GAS7: variants seen among roughly 807,000 people sequenced by gnomAD.
GAS7 encodes the protein growth arrest-specific protein 7.
Under a neutral mutation model 71.1 loss-of-function variants are expected in GAS7, and 28 were observed. The ratio of observed to expected loss-of-function variants is 0.39; its 90% CI spans 0.29 to 0.54. The LOEUF (loss-of-function observed/expected upper bound fraction) is 0.54. Among genes scored for constraint, GAS7 ranks in the 20% least tolerant of loss-of-function variants. GAS7 has a pLI of 0.62. For missense variants in GAS7, 436 were observed against 627.8 expected, an observed-to-expected ratio of 0.69 and a Z score of 3.27; for synonymous variants, 258 against 245.8, an observed-to-expected ratio of 1.05 and a Z score of -0.46.
intron 1 of GAS7, among the ~76,000 whole-genome samples, chr17:10,151,947 A>G (rs1424121417): frequency 2.0e-5 from 3 of 152,206 alleles, no homozygotes; most frequent in African/African-American, 7.2e-5. Flanking sequence ...TCCAAAATGG[A>G]AGGAAAAGAG....
At chr17:10,177,791 T>A (rs2142138608) in intron 1 of GAS7, among the ~76,000 whole-genome samples, 2 of 152,282 alleles carry the variant, frequency 1.3e-5, no homozygotes, top group Admixed American at 1.3e-4. Context: ...TATATAGTCT[T>A]GATGATTTGC....
intron 3 of GAS7, among the ~76,000 whole-genome samples, chr17:9,980,750 G>C (rs1247830514): frequency 6.6e-6 from 1 of 152,218 alleles, no homozygotes; most frequent in Non-Finnish European, 1.5e-5. Context: ...GCATGGGAGA[G>C]TGAAGGTCAA....
At chr17:10,082,255 C>T (rs2073465220) in intron 1 of GAS7, among the ~76,000 whole-genome samples, 1 of 152,164 alleles carries the variant, frequency 6.6e-6, no homozygotes, top group Non-Finnish European at 1.5e-5. Context: ...AACCCCAGAA[C>T]AGTGGTTGCC....
intron 2 of GAS7, among the ~76,000 whole-genome samples, chr17:9,985,810 C>T (rs2070624668): frequency 6.6e-6 from 1 of 152,222 alleles, no homozygotes; most frequent in Admixed American, 6.5e-5. Flanking sequence ...AAGGCCCCTC[C>T]CAGCTCAGAG....
chr17:10,069,551 A>G (rs142022953), intron 1 of GAS7, among the ~76,000 whole-genome samples: 1 of 152,340 alleles, frequency 6.6e-6, no homozygotes, highest in East Asian at 1.9e-4. Flanking sequence ...TTAATGTTTT[A>G]TGATGGAGTC....
intron 9 of GAS7, among the ~76,000 whole-genome samples, chr17:9,927,336 A>ACACAC (rs1380243228): frequency 2.6e-5 from 2 of 75,618 alleles, no homozygotes; most frequent in African/African-American, 9.1e-5. Context: ...CACACACACA[A>ACACAC]ATTAGCTGGG....
At chr17:9,935,549 C>G (rs990714344) in intron 8 of GAS7, among the ~76,000 whole-genome samples, 11 of 152,192 alleles carry the variant, frequency 7.2e-5, no homozygotes, top group Admixed American at 2.0e-4. Flanking sequence ...GTGGCAAAAG[C>G]TGAATAAAAG....
intron 3 of GAS7, among the ~76,000 whole-genome samples, chr17:9,979,607 C>T (rs1253039405): frequency 6.6e-6 from 1 of 152,138 alleles, no homozygotes; most frequent in Admixed American, 6.5e-5. Flanking sequence ...CCCAGGAGAG[C>T]AGGCTTTGGA....
At chr17:10,073,625 G>C (rs1405310124) in intron 1 of GAS7, among the ~76,000 whole-genome samples, 1 of 152,190 alleles carries the variant, frequency 6.6e-6, no homozygotes, top group African/African-American at 2.4e-5. Flanking sequence ...TGCTTCAGGT[G>C]AATCGTGCGC....
chr17:10,156,183 C>T (rs1597824711), intron 1 of GAS7, among the ~76,000 whole-genome samples: 1 of 152,346 alleles, frequency 6.6e-6, no homozygotes, highest in East Asian at 1.9e-4. Flanking sequence ...ATATTTCCTT[C>T]GTAAGCAGAT....
chr17:9,978,927 T>C (rs2152126357), intron 3 of GAS7, among the ~76,000 whole-genome samples: 1 of 152,228 alleles, frequency 6.6e-6, no homozygotes, highest in South Asian at 2.1e-4. Context: ...CAGGTGATTC[T>C]TTGTTGTGAA....
At chr17:9,934,473 C>G (rs564934333) in intron 8 of GAS7, among the ~76,000 whole-genome samples, 4 of 152,056 alleles carry the variant, frequency 2.6e-5, no homozygotes, top group Admixed American at 1.3e-4. Context: ...GCTAAGGAAA[C>G]AGACTGTGGC....
chr17:10,155,178 C>A (rs56357803), intron 1 of GAS7, among the ~76,000 whole-genome samples: 29,143 of 151,826 alleles, frequency 0.19, 3,069 homozygotes, highest in African/African-American at 0.26. Context: ...ACACACCCAG[C>A]TAATTTTTTG....
At chr17:10,155,821 A>C (rs1375659843) in intron 1 of GAS7, among the ~76,000 whole-genome samples, 1 of 152,196 alleles carries the variant, frequency 6.6e-6, no homozygotes, top group East Asian at 1.9e-4. Context: ...CATGTATTAT[A>C]ATGGTCCTAT....
chr17:10,033,447 C>T (rs2072671740), intron 1 of GAS7, among the ~76,000 whole-genome samples: 1 of 152,132 alleles, frequency 6.6e-6, no homozygotes, highest in Admixed American at 6.5e-5. Flanking sequence ...TGAGGAAAAC[C>T]CCAGAACCAA....
chr17:10,117,566 A>G (rs1214117782), intron 1 of GAS7, among the ~76,000 whole-genome samples: 1 of 152,126 alleles, frequency 6.6e-6, no homozygotes, highest in Admixed American at 6.6e-5. Flanking sequence ...AACGGGGAGG[A>G]GCAGGTGCTG....
chr17:10,160,679 T>C (rs2074247009), intron 1 of GAS7, among the ~76,000 whole-genome samples: 1 of 152,158 alleles, frequency 6.6e-6, no homozygotes, highest in African/African-American at 2.4e-5. Flanking sequence ...CTAACTATAA[T>C]ATAGAAAGTT....
At chr17:10,038,803 G>A (rs575872557) in intron 1 of GAS7, among the ~76,000 whole-genome samples, 325 of 150,962 alleles carry the variant, frequency 2.2e-3, no homozygotes, top group African/African-American at 7.6e-3. Context: ...GGGTTCAAGC[G>A]ATTCTCCTGC....
chr17:10,023,263 T>A (rs1398242844), intron 1 of GAS7, among the ~76,000 whole-genome samples: 1 of 152,216 alleles, frequency 6.6e-6, no homozygotes, highest in Non-Finnish European at 1.5e-5. Context: ...CACAGTCCCA[T>A]CACCTTTCTG....
Sources: allele counts gnomAD v4.1 joint callset (sites outside exome capture counted in the v4.1 genomes callset), GRCh38; gene constraint gnomAD v4.1.1; transcripts MANE v1.5; gene names NCBI Gene and HGNC (gene_info 2026-07-23, HGNC 2026-07-21).